The following CACNA2D3 variants were observed in gnomAD, a reference collection of about 807,000 sequenced individuals.
CACNA2D3 encodes voltage-dependent calcium channel subunit alpha-2/delta-3.
A neutral mutation model predicts 160.6 loss-of-function variants in CACNA2D3; 60 were observed. That is an observed-to-expected ratio of 0.37 (90% confidence interval 0.30 to 0.46). The LOEUF is 0.46. CACNA2D3 is among the 20% of genes least tolerant of loss of function. The pLI is 1.00. For synonymous variants in CACNA2D3, 558 were observed against 492.9 expected, an observed-to-expected ratio of 1.13 and a Z score of -1.75; for missense variants, 1,205 against 1,365.0, an observed-to-expected ratio of 0.88 and a Z score of 1.85.
chr3:54,932,373 G>T (rs149664366), intron 27 of CACNA2D3, among the ~76,000 whole-genome samples: 2 of 152,070 alleles, frequency 1.3e-5, no homozygotes, highest in African/African-American at 4.8e-5. Flanking sequence ...GTCTGAAAAT[G>T]GAATAAGTGG....
intron 13 of CACNA2D3, among the ~76,000 whole-genome samples, chr3:54,784,695 TAGA>T (rs1156841381): frequency 6.6e-6 from 1 of 152,038 alleles, no homozygotes; most frequent in Non-Finnish European, 1.5e-5. Context: ...AAATGTTCCG[TAGA>T]AGAAGATGGG....
intron 3 of CACNA2D3, among the ~76,000 whole-genome samples, chr3:54,357,628 C>T (rs1317960981): frequency 1.3e-5 from 2 of 152,204 alleles, no homozygotes; most frequent in African/African-American, 4.8e-5. Flanking sequence ...ATGTTTATAG[C>T]AGACTTACTC....
rs759125137 is a variant in CACNA2D3, at chr3:54,871,533, T to C, written c.1627-6T>C. 2 of 1,607,848 alleles carry C rather than the reference T, an allele frequency of 1.2e-6. No homozygotes were observed. The highest frequency in any genetic ancestry group is 1.7e-6 in the Non-Finnish European group (2 of 1,174,428). On this transcript the variant is annotated splice_polypyrimidine_tract_variant and splice_region_variant and intron_variant, in intron 17 of 37. Coordinates refer to ENST00000474759, the MANE Select transcript of CACNA2D3 (RefSeq NM_018398.3). ...TTTCTTTTCTTTTTCTTCTTCCCCT[T>C]GCTAGTACGAAGAAGGAAAAAAGCG...
intron 11 of CACNA2D3, among the ~76,000 whole-genome samples, chr3:54,733,550 G>T (rs181967455): frequency 6.6e-6 from 1 of 152,126 alleles, no homozygotes; most frequent in Admixed American, 6.5e-5. Context: ...CTCCTGTAAC[G>T]AGAGTGGATG....
chr3:54,974,796 A>T (rs944022660), intron 29 of CACNA2D3, among the ~76,000 whole-genome samples: 1 of 151,880 alleles, frequency 6.6e-6, no homozygotes, highest in Non-Finnish European at 1.5e-5. Flanking sequence ...GTCTGTTTGA[A>T]CTCCTAATTT....
chr3:54,266,618 G>C (rs985837249), intron 2 of CACNA2D3, among the ~76,000 whole-genome samples: 3 of 152,190 alleles, frequency 2.0e-5, no homozygotes, highest in Admixed American at 6.5e-5. Flanking sequence ...TGATGAGTGA[G>C]CGGGTGACTA....
At chr3:54,680,449 T>C (rs1700320932) in intron 11 of CACNA2D3, among the ~76,000 whole-genome samples, 1 of 152,258 alleles carries the variant, frequency 6.6e-6, no homozygotes, top group African/African-American at 2.4e-5. Context: ...AAAAATGTGC[T>C]TAAGCTTCTT....
intron 11 of CACNA2D3, among the ~76,000 whole-genome samples, chr3:54,724,430 T>C (rs1701238396): frequency 6.6e-6 from 1 of 152,158 alleles, no homozygotes; most frequent in African/African-American, 2.4e-5. Flanking sequence ...AACAGATATC[T>C]ACAGAACTCT....
chr3:54,654,638 C>T (rs1331632654), intron 11 of CACNA2D3, among the ~76,000 whole-genome samples: 1 of 152,092 alleles, frequency 6.6e-6, no homozygotes, highest in Non-Finnish European at 1.5e-5. Context: ...GGACCTCTGG[C>T]AAGGGCATGC....
chr3:54,928,400 C>T (rs1223258093), intron 27 of CACNA2D3, among the ~76,000 whole-genome samples: 1 of 152,178 alleles, frequency 6.6e-6, no homozygotes, highest in African/African-American at 2.4e-5. Context: ...TGCCGGGTCA[C>T]CCCTCTTTGG....
At chr3:54,164,580 A>C (rs536281551) in intron 2 of CACNA2D3, among the ~76,000 whole-genome samples, 2 of 152,204 alleles carry the variant, frequency 1.3e-5, no homozygotes, top group East Asian at 3.9e-4. Context: ...TTTTCCTCTG[A>C]TCCCTTTTTA....
At chr3:54,331,848 C>T (rs1704264899) in intron 3 of CACNA2D3, among the ~76,000 whole-genome samples, 1 of 152,166 alleles carries the variant, frequency 6.6e-6, no homozygotes, top group South Asian at 2.1e-4. Context: ...CTCCCAATCT[C>T]AAAAAGGTTT....
intron 14 of CACNA2D3, among the ~76,000 whole-genome samples, chr3:54,826,986 T>TAGAC (rs1703762665): frequency 3.9e-5 from 6 of 152,238 alleles, no homozygotes; most frequent in Admixed American, 3.3e-4. Context: ...CTATAATTCA[T>TAGAC]TTAATGCCTC....
chr3:54,141,100 T>TGCGCGCGC (rs1559860150), intron 2 of CACNA2D3, among the ~76,000 whole-genome samples: 1 of 132,758 alleles, frequency 7.5e-6, no homozygotes, highest in East Asian at 3.4e-4. Flanking sequence ...CGCGCGCGCG[T>TGCGCGCGC]GTGTGCATGC....
intron 5 of CACNA2D3, among the ~76,000 whole-genome samples, chr3:54,534,282 T>C (rs1701852078): frequency 6.6e-6 from 1 of 152,222 alleles, no homozygotes; most frequent in African/African-American, 2.4e-5. Flanking sequence ...TTGTTAAAAT[T>C]TTTAAAATTG....
At chr3:54,254,584 A>G (rs751008747) in intron 2 of CACNA2D3, among the ~76,000 whole-genome samples, 21 of 152,284 alleles carry the variant, frequency 1.4e-4, no homozygotes, top group South Asian at 4.1e-4. Flanking sequence ...AAGTATGAAG[A>G]TGGAGATGAT....
chr3:54,674,411 G>A (rs1700205795), intron 11 of CACNA2D3, among the ~76,000 whole-genome samples: 1 of 152,080 alleles, frequency 6.6e-6, no homozygotes, highest in Non-Finnish European at 1.5e-5. Flanking sequence ...AGAGAAACAG[G>A]TATAATTGTT....
chr3:54,777,596 A>G (rs955565470), intron 13 of CACNA2D3, among the ~76,000 whole-genome samples: 15 of 152,236 alleles, frequency 9.9e-5, no homozygotes, highest in South Asian at 2.1e-4. Flanking sequence ...AGAAACAACT[A>G]TTAAACACGC....
intron 2 of CACNA2D3, among the ~76,000 whole-genome samples, chr3:54,157,171 G>A (rs1437985136): frequency 1.3e-5 from 2 of 152,150 alleles, no homozygotes; most frequent in Non-Finnish European, 2.9e-5. Flanking sequence ...TTTCCCCTGT[G>A]TGCATGTAGA....
Sources: gnomAD v4.1 joint callset for allele counts (sites outside exome capture counted in the v4.1 genomes callset) on GRCh38, gnomAD v4.1.1 for gene constraint, MANE v1.5 for transcripts, NCBI Gene and HGNC (gene_info 2026-07-23, HGNC 2026-07-21) for gene names.